TEF: variants seen among roughly 807,000 people sequenced by gnomAD.
TEF encodes the protein thyrotroph embryonic factor.
Under a neutral mutation model 20.8 loss-of-function variants are expected in TEF, and 3 were observed. The ratio of observed to expected loss-of-function variants is 0.14; its 90% confidence interval spans 0.07 to 0.37. TEF has a LOEUF of 0.37. Among genes scored for constraint, TEF ranks in the 10% least tolerant of loss-of-function variants. The probability of loss-of-function intolerance (pLI) is 1.00; values close to 1 mark genes in which losing one functional copy is unlikely to be tolerated. For missense variants in TEF, 296 were observed against 397.9 expected (o/e 0.74, Z 2.18); for synonymous variants, 180 against 171.1 (o/e 1.05, Z -0.41).
chr22:41,384,680 A>G (rs1042195404), intron 1 of TEF, among the ~76,000 whole-genome samples: 1 of 152,194 alleles, frequency 6.6e-6, no homozygotes, highest in Admixed American at 6.5e-5. Context: ...AGATCTGGAA[A>G]TAAATCAGTT....
At chr22:41,368,188 C>G (rs1196730873) in intron 1 of TEF, among the ~76,000 whole-genome samples, 3 of 152,090 alleles carry the variant, frequency 2.0e-5, no homozygotes, top group Non-Finnish European at 4.4e-5. Context: ...GACCTGGTGG[C>G]CAGCACCAGG....
chr22:41,397,153 CG>C lies in TEF; in HGVS notation c.*1196del. The C allele has an allele frequency of 2.5e-6, 1 of 398,636 alleles. No homozygotes were observed. Among genetic ancestry groups the C allele is most frequent in the African/African-American group, 2.1e-5 (1 of 48,728 alleles). The allele number at this position is 398,636 out of a possible 1,614,324, so 24.7% of individuals were successfully genotyped here. ...CACCAAGGTCACAGTGCCACTTTCACGGGATAGCAGGCTCTTGGGACTTTTA... is the reference window on the plus strand; with the variant it reads ...CACCAAGGTCACAGTGCCACTTTCACGGATAGCAGGCTCTTGGGACTTTTA... On this transcript the variant is annotated 3_prime_UTR_variant, in exon 4 of 4. Transcript: ENST00000266304.
At chr22:41,374,981 G>T (rs891923432) in intron 1 of TEF, among the ~76,000 whole-genome samples, 1 of 152,130 alleles carries the variant, frequency 6.6e-6, no homozygotes, top group African/African-American at 2.4e-5. Context: ...TTCAAGGGCC[G>T]ACTAAAGTGG....
At chr22:41,372,471 G>GTA (rs1038237661) in intron 1 of TEF, among the ~76,000 whole-genome samples, 32 of 152,186 alleles carry the variant, frequency 2.1e-4, no homozygotes, top group Non-Finnish European at 3.7e-4. Context: ...TGCAAGGAAG[G>GTA]TATGATCATC....
intron 1 of TEF, 91 bp downstream of exon 1, chr22:41,382,292 C>A (rs1465043654): frequency 1.6e-5 from 17 of 1,083,650 alleles, no homozygotes; most frequent in South Asian, 4.6e-5. Context: ...GGCAGTGGGT[C>A]AGGGAGCAGT....
chr22:41,381,482 C>G (rs2037021444), upstream of TEF, among the ~76,000 whole-genome samples: 1 of 152,182 alleles, frequency 6.6e-6, no homozygotes, highest in African/African-American at 2.4e-5. Context: ...AGCAGGAGCT[C>G]GGATAGGTCG....
intron 1 of TEF, among the ~76,000 whole-genome samples, chr22:41,370,391 G>C (rs2036869751): frequency 6.7e-6 from 1 of 149,218 alleles, no homozygotes; most frequent in Non-Finnish European, 1.5e-5. Flanking sequence ...GGGATTACAG[G>C]TGTAAACCAC....
intron 2 of TEF, among the ~76,000 whole-genome samples, chr22:41,387,983 CTTTTTTT>C (rs530707936): frequency 1.8e-4 from 9 of 50,116 alleles, no homozygotes; most frequent in African/African-American, 5.0e-4. Flanking sequence ...CAATGCTGCT[CTTTTTTT>C]TTTTTTTTTT....
chr22:41,369,656 T>A (rs747252847), intron 1 of TEF, among the ~76,000 whole-genome samples: 2 of 152,220 alleles, frequency 1.3e-5, no homozygotes, highest in African/African-American at 2.4e-5. Context: ...TAGACCTTGT[T>A]GAAAAGAGGG....
rs965224140 is a variant in TEF, at chr22:41,396,125, C to T, written c.*165C>T. On this transcript the variant is annotated 3_prime_UTR_variant, in exon 4 of 4. Coordinates refer to ENST00000266304, the MANE Select transcript of TEF (RefSeq NM_003216.4). Reference sequence around the variant, plus strand: ...CTCAGCTTCATTATACCATGGCCTGCGCACGTGGCGACGTCCCTGAGGGGC... The same window carrying T: ...CTCAGCTTCATTATACCATGGCCTGTGCACGTGGCGACGTCCCTGAGGGGC... 7.0e-6 allele frequency: 5 copies of T among 717,884 alleles called. No homozygotes were observed. Among genetic ancestry groups the T allele is most frequent in the Non-Finnish European group, 9.0e-6 (4 of 445,612 alleles). The allele number at this position is 717,884 out of a possible 1,614,324, so 44.5% of individuals were successfully genotyped here. A position where few individuals can be genotyped will look rare whatever the true frequency, so the allele number is the denominator to read the frequency against.
chr22:41,391,104 ACTCAGATGT>A (rs1288737169), intron 2 of TEF, among the ~76,000 whole-genome samples: 9 of 152,086 alleles, frequency 5.9e-5, no homozygotes, highest in African/African-American at 1.4e-4. Context: ...CTCCTCTGAC[ACTCAGATGT>A]CTCTGTAATT....
chr22:41,379,426 G>C (rs537546225), upstream of TEF, among the ~76,000 whole-genome samples: 1 of 152,260 alleles, frequency 6.6e-6, no homozygotes. Context: ...AGAATCGCTT[G>C]AACTCAGGAG....
chr22:41,396,093 G>C lies in TEF; in HGVS notation c.*133G>C. 1.0e-6 allele frequency: 1 copy of C among 973,842 alleles called. No individual in the cohort carries two copies. Among genetic ancestry groups the C allele is most frequent in the Non-Finnish European group, 1.5e-6 (1 of 665,852 alleles). The allele number at this position is 973,842 out of a possible 1,614,324, so 60.3% of individuals were successfully genotyped here. A position where few individuals can be genotyped will look rare whatever the true frequency, so the allele number is the denominator to read the frequency against. On this transcript the variant is annotated 3_prime_UTR_variant, in exon 4 of 4. Transcript: ENST00000266304. ...TGGCGGCGCACCTGCTGCAGGAGCG[G>C]CCACGTCTCAGCTTCATTATACCAT...
upstream of TEF, among the ~76,000 whole-genome samples, chr22:41,381,767 C>T (rs1291152321): frequency 6.6e-6 from 1 of 152,050 alleles, no homozygotes; most frequent in Non-Finnish European, 1.5e-5. Flanking sequence ...TATCTTATCC[C>T]GGCTGCCCGA....
Position 41,397,294 on chromosome 22 carries a change from C to G in TEF, c.*1334C>G. ...TCCCCTGCCTCACAACGACTCCTTT[C>G]TCTTGTGTGGCGGGACTCGCCCTTT... On this transcript the variant is annotated 3_prime_UTR_variant, in exon 4 of 4. Transcript: ENST00000266304. The G allele has an allele frequency of 2.5e-6, 1 of 395,608 alleles. No individual in the cohort carries two copies. The highest frequency in any genetic ancestry group is 3.6e-5 in the East Asian group (1 of 27,918). The allele number at this position is 395,608 out of a possible 1,614,324, so 24.5% of individuals were successfully genotyped here.
chr22:41,390,719 GAAC>G (rs1171320380), intron 2 of TEF, among the ~76,000 whole-genome samples: 1 of 151,804 alleles, frequency 6.6e-6, no homozygotes, highest in Non-Finnish European at 1.5e-5. Flanking sequence ...GGCTGGTCTT[GAAC>G]TCCTCACCTC....
At chr22:41,379,147 G>A (rs1039433851), upstream of TEF, among the ~76,000 whole-genome samples, 3 of 151,498 alleles carry the variant, frequency 2.0e-5, no homozygotes, top group Non-Finnish European at 4.4e-5. Flanking sequence ...GACCAGCCTG[G>A]CCAATGTGGT....
At chr22:41,371,146 G>C (rs2036878213) in intron 1 of TEF, among the ~76,000 whole-genome samples, 1 of 152,186 alleles carries the variant, frequency 6.6e-6, no homozygotes, top group Non-Finnish European at 1.5e-5. Flanking sequence ...TTCTCTTCCA[G>C]CTTCTGGAAA....
intron 1 of TEF, 46 bp from the exon 2 acceptor site, chr22:41,387,305 A>G: frequency 6.3e-7 from 1 of 1,599,464 alleles, no homozygotes; most frequent in Non-Finnish European, 8.5e-7. Context: ...CCTGGGATTG[A>G]GTTACTCTCC....
Sources: allele counts gnomAD v4.1 joint callset (sites outside exome capture counted in the v4.1 genomes callset), GRCh38; gene constraint gnomAD v4.1.1; transcripts MANE v1.5; gene names NCBI Gene and HGNC (gene_info 2026-07-23, HGNC 2026-07-21).